Variants in LDAH observed in about 807,000 individuals in gnomAD.
LDAH encodes lipid droplet-associated hydrolase.
A neutral mutation model predicts 29.6 loss-of-function variants in LDAH; 26 were observed. The observed-to-expected ratio is 0.88, with a 90% CI of 0.64 to 1.22. LDAH has a LOEUF of 1.22. LDAH is among the 50% of genes most tolerant of loss of function. LDAH has a pLI of 0.00. For synonymous variants in LDAH, 117 were observed against 133.0 expected, an observed-to-expected ratio of 0.88 and a Z score of 0.83; for missense variants, 344 against 387.3, an observed-to-expected ratio of 0.89 and a Z score of 0.94.
rs149479132 is a variant in LDAH, at chr2:20,740,102, T to C, written c.572A>G (p.Tyr191Cys). 6.6e-5 allele frequency: 106 copies of C among 1,613,950 alleles called. No individual in the cohort carries two copies. Among genetic ancestry groups the C allele is most frequent in the Non-Finnish European group, 8.6e-5 (102 of 1,179,986 alleles). The change falls in exon 5 of 7, where the codon TAT becomes TGT. Residue 191 changes from tyrosine (Y) to cysteine (C), a missense_variant. Transcript: ENST00000237822. ...TTTCAATAATAAGTAGCCAGTAACA[T>C]AGAGAACATATCGAAACCAGCACAA... ...PLLCWFRYVLYVTGYLLLKPC... is the reference protein window; with the variant it reads ...PLLCWFRYVLCVTGYLLLKPC...
chr2:20,756,501 T>TGA (rs1166051420), intron 4 of LDAH, among the ~76,000 whole-genome samples: 2 of 151,732 alleles, frequency 1.3e-5, no homozygotes, highest in African/African-American at 2.4e-5. Context: ...AATGTTTTCC[T>TGA]GAGAGAGAGA....
intron 3 of LDAH, among the ~76,000 whole-genome samples, chr2:20,779,859 G>A (rs1216746591): frequency 1.3e-5 from 2 of 152,080 alleles, no homozygotes; most frequent in Admixed American, 6.5e-5. Flanking sequence ...TATTTTGTAG[G>A]GAAAATCACC....
At chr2:20,779,494 T>G (rs1385454484) in intron 3 of LDAH, among the ~76,000 whole-genome samples, 1 of 151,862 alleles carries the variant, frequency 6.6e-6, no homozygotes, top group Admixed American at 6.6e-5. Flanking sequence ...ATAAAAAGTT[T>G]CCTCCTTAAT....
intron 2 of LDAH, among the ~76,000 whole-genome samples, chr2:20,797,116 T>C (rs549767231): frequency 7.2e-5 from 11 of 152,180 alleles, no homozygotes; most frequent in East Asian, 5.8e-4. Flanking sequence ...GAAAAGTACA[T>C]GTATTTTTAT....
chr2:20,688,995 C>G (rs1022118919), intron 6 of LDAH, among the ~76,000 whole-genome samples: 34 of 152,158 alleles, frequency 2.2e-4, no homozygotes, highest in Admixed American at 9.2e-4. Flanking sequence ...CCCTACCCCC[C>G]ATCCCCTAAC....
At chr2:20,746,234 T>C (rs1211155838) in intron 4 of LDAH, among the ~76,000 whole-genome samples, 1 of 152,222 alleles carries the variant, frequency 6.6e-6, no homozygotes, top group Admixed American at 6.5e-5. Context: ...AACTTCAGAT[T>C]GATCAAATCA....
chr2:20,713,239 A>G (rs993653092), intron 5 of LDAH, among the ~76,000 whole-genome samples: 1 of 152,226 alleles, frequency 6.6e-6, no homozygotes, highest in African/African-American at 2.4e-5. Flanking sequence ...AATATTCAAC[A>G]TTCTTAAAGA....
rs1208778638 is a variant in LDAH at position 20,789,197 on chromosome 2, C to A, written c.298+1058G>T. 1.7e-5 allele frequency: 26 copies of A among 1,550,372 alleles called. No individual in the cohort carries two copies. In the Middle Eastern group the frequency reaches 1.0e-3, roughly 60 times the overall value. Reference sequence around the variant, plus strand: ...ATGGCCCCCAAATCCATAGGTGAAACCCTATGCCCAAATGCTATTAAGAGG... The same window carrying A: ...ATGGCCCCCAAATCCATAGGTGAAAACCTATGCCCAAATGCTATTAAGAGG... On this transcript the variant is annotated intron_variant, in intron 3 of 6. Transcript: ENST00000237822.
intron 6 of LDAH, among the ~76,000 whole-genome samples, chr2:20,689,066 C>A (rs563988658): frequency 1.6e-4 from 25 of 152,074 alleles, no homozygotes; most frequent in African/African-American, 5.8e-4. Context: ...TCAACTCCCA[C>A]TTATGAGTGA....
intron 5 of LDAH, among the ~76,000 whole-genome samples, chr2:20,738,715 A>C (rs1666975932): frequency 6.6e-6 from 1 of 151,332 alleles, no homozygotes; most frequent in Non-Finnish European, 1.5e-5. Context: ...CACTATGCTA[A>C]GGGTATATTA....
chr2:20,710,478 T>G (rs1054513611), intron 5 of LDAH, among the ~76,000 whole-genome samples: 4 of 151,488 alleles, frequency 2.6e-5, no homozygotes, highest in Non-Finnish European at 5.9e-5. Context: ...CCAAGATGAT[T>G]TCATTAGTCA....
chr2:20,704,479 C>T (rs192879812), intron 5 of LDAH, among the ~76,000 whole-genome samples: 33 of 152,176 alleles, frequency 2.2e-4, no homozygotes, highest in African/African-American at 5.3e-4. Flanking sequence ...ATTCTATAAC[C>T]TATTAAAAAT....
Position 20,787,694 on chromosome 2 carries a change from T to C in LDAH, c.298+2561A>G, listed in dbSNP as rs373188545. Among the ~76,000 whole-genome samples, 207 of 152,360 alleles carry C rather than the reference T, an allele frequency of 1.4e-3. 3 individuals are homozygous for C. In the South Asian group the frequency reaches 0.037, roughly 28 times the overall value. On this transcript the variant is annotated intron_variant, in intron 3 of 6. Transcript: ENST00000237822. ...ACTATTTATTTTTAAAAAAATTCTA[T>C]GCTAAATATTTTCTTAATGTATAAC...
chr2:20,713,038 A>G (rs1043729496), intron 5 of LDAH, among the ~76,000 whole-genome samples: 2 of 152,184 alleles, frequency 1.3e-5, no homozygotes, highest in Non-Finnish European at 2.9e-5. Context: ...AATACAGAGA[A>G]CACCACAAAG....
chr2:20,800,688 C>T (rs992912054), intron 2 of LDAH, among the ~76,000 whole-genome samples: 11 of 151,938 alleles, frequency 7.2e-5, no homozygotes, highest in East Asian at 3.9e-4. Context: ...GGCTGGAGTA[C>T]GGTGGTGTGA....
chr2:20,706,462 C>T (rs186946790), intron 5 of LDAH, among the ~76,000 whole-genome samples: 25 of 152,236 alleles, frequency 1.6e-4, no homozygotes, highest in African/African-American at 5.5e-4. Context: ...GTCTTCCCAC[C>T]CATCCTTTGT....
chr2:20,804,195 T>C (rs781680277), intron 1 of LDAH, among the ~76,000 whole-genome samples: 1 of 152,218 alleles, frequency 6.6e-6, no homozygotes, highest in Non-Finnish European at 1.5e-5. Context: ...GCAAGGGCTA[T>C]GTGTCCCTGC....
In LDAH at chr2:20,684,749, C is replaced by A; in HGVS notation, c.*2154G>T. 1.0e-6 allele frequency: 1 copy of A among 957,830 alleles called. No individual in the cohort carries two copies. Among genetic ancestry groups the A allele is most frequent in the Non-Finnish European group, 1.5e-6 (1 of 659,556 alleles). The allele number at this position is 957,830 out of a possible 1,614,324, so 59.3% of individuals were successfully genotyped here. ...GTGTGGTCAAAGCTCAATCGCTGAGCACTCGGTAACTCTGCAGGAAGTTAA... is the reference window on the plus strand; with the variant it reads ...GTGTGGTCAAAGCTCAATCGCTGAGAACTCGGTAACTCTGCAGGAAGTTAA... On this transcript the variant is annotated 3_prime_UTR_variant, in exon 7 of 7. Coordinates refer to ENST00000237822, the MANE Select transcript of LDAH (RefSeq NM_021925.4).
intron 4 of LDAH, among the ~76,000 whole-genome samples, chr2:20,759,596 T>C (rs1224560933): frequency 6.6e-6 from 1 of 152,170 alleles, no homozygotes; most frequent in Admixed American, 6.6e-5. Flanking sequence ...TTTTCCTTTC[T>C]TAAAGATCAC....
Sources: allele counts gnomAD v4.1 joint callset (sites outside exome capture counted in the v4.1 genomes callset), GRCh38; gene constraint gnomAD v4.1.1; transcripts MANE v1.5; gene names NCBI Gene and HGNC (gene_info 2026-07-23, HGNC 2026-07-21).